Variants in CAPN1 observed in about 807,000 individuals in gnomAD.
The protein encoded by CAPN1 is calpain 1.
Under a neutral mutation model 105.2 loss-of-function variants are expected in CAPN1, and 77 were observed. The ratio of observed to expected loss-of-function variants is 0.73; its 90% confidence interval spans 0.61 to 0.88. CAPN1 has a LOEUF of 0.88. CAPN1 is among the 40% of genes least tolerant of loss of function. The probability of loss-of-function intolerance (pLI) is 0.00; values close to 1 mark genes in which losing one functional copy is unlikely to be tolerated. For missense variants in CAPN1, 833 were observed against 976.6 expected, an observed-to-expected ratio of 0.85 and a Z score of 1.96; for synonymous variants, 355 against 388.8, an observed-to-expected ratio of 0.91 and a Z score of 1.02.
Position 65,188,365 on chromosome 11 carries a change from C to T in CAPN1, c.930-49C>T. On this transcript the variant is annotated intron_variant, in intron 8 of 21. Coordinates refer to ENST00000279247, the MANE Select transcript of CAPN1 (RefSeq NM_005186.4). This position sits in a 1 kb window ranked among gnomAD's most constrained non-coding sequence, Gnocchi z 5.5. Reference sequence around the variant, plus strand: ...GGTAGACAGGCCCCAGGGACAGAGGCCAGGCAGGTCAGTGCCCACCAGCCC... The same window carrying T: ...GGTAGACAGGCCCCAGGGACAGAGGTCAGGCAGGTCAGTGCCCACCAGCCC... 6.5e-7 allele frequency: 1 copy of T among 1,529,418 alleles called. No homozygotes were observed. Among genetic ancestry groups the T allele is most frequent in the East Asian group, 2.4e-5 (1 of 42,380 alleles). The allele number at this position is 1,529,418 out of a possible 1,614,324, so 94.7% of individuals were successfully genotyped here.
Position 65,188,495 on chromosome 11 carries a change from G to GC in CAPN1, c.1004+12dup, listed in dbSNP as rs759714796. ...TGGAGGACGGGGAGTTCTGGTGAGC[G>GC]CCCCCTCCCCTTCTACCCCACCTCT... On this transcript the variant is annotated splice_region_variant and intron_variant, in intron 9 of 21. Transcript: ENST00000279247. This position sits in a 1 kb window ranked among gnomAD's most constrained non-coding sequence, Gnocchi z 5.5. 2 of 1,612,118 alleles carry GC rather than the reference G, an allele frequency of 1.2e-6. No homozygotes were observed. Among genetic ancestry groups the GC allele is most frequent in the Non-Finnish European group, 8.5e-7 (1 of 1,178,910 alleles).
rs942615255 is a variant in CAPN1 at position 65,211,498 on chromosome 11, C to T, written c.*212C>T. 22 of 588,088 alleles carry T rather than the reference C, an allele frequency of 3.7e-5. No homozygotes were observed. Among genetic ancestry groups the T allele is most frequent in the Admixed American group, 1.1e-4 (4 of 37,112 alleles). The allele number at this position is 588,088 out of a possible 1,614,324, so 36.4% of individuals were successfully genotyped here. On this transcript the variant is annotated 3_prime_UTR_variant, in exon 22 of 22. Transcript: ENST00000279247. The stretch of plus-strand genomic sequence containing the variant: ...CCCCTGCCTGTGCCAGCCATGGGCT[C>T]GGGATGGACTCCCTGGGCCCCACCC...
intron 11 of CAPN1, among the ~76,000 whole-genome samples, chr11:65,205,082 G>A (rs1035211422): frequency 2.0e-5 from 3 of 152,238 alleles, no homozygotes; most frequent in African/African-American, 7.2e-5. Context: ...GTTGGCTCAG[G>A]GAAGGGAGAT....
chr11:65,204,432 CT>C (rs754910009), intron 10 of CAPN1, among the ~76,000 whole-genome samples: 2 of 152,064 alleles, frequency 1.3e-5, no homozygotes, highest in African/African-American at 2.4e-5. Flanking sequence ...CTCCTGCTTG[CT>C]TTTTTTTGCA....
chr11:65,188,290 G>A lies in CAPN1; in HGVS notation c.930-124G>A, dbSNP rs1050140119. ...CACCCCCTAGAAGCGGAACCTTGGC[G>A]CTTGACCTTGAGGAGGCCACCTGGG... On this transcript the variant is annotated intron_variant, in intron 8 of 21. Transcript: ENST00000279247. The surrounding 1 kb of genome is among the most constrained non-coding windows in gnomAD (Gnocchi z 5.5). 4 of 850,926 alleles carry A rather than the reference G, an allele frequency of 4.7e-6. No homozygotes were observed. Among genetic ancestry groups the A allele is most frequent in the East Asian group, 5.3e-5 (2 of 37,702 alleles). 52.7% of individuals were successfully genotyped at this position (850,926 alleles called of 1,614,324 possible).
chr11:65,199,533 T>C (rs1022650627), intron 10 of CAPN1, among the ~76,000 whole-genome samples: 7 of 152,176 alleles, frequency 4.6e-5, no homozygotes, highest in African/African-American at 7.2e-5. Context: ...CTTCCCACTC[T>C]CTGTATATTC....
At position 65,206,817 on chromosome 11, in the gene CAPN1, G is replaced by A. The variant is rs1411976858; in HGVS notation, c.1603G>A (p.Glu535Lys). Residue 535 changes from glutamate (E) to lysine (K), a missense_variant and splice_region_variant, in exon 14 of 22, where the codon GAG becomes AAG. Glu to Lys is a moderately conservative substitution (Grantham distance 56, BLOSUM62 1). Coordinates refer to ENST00000279247, the MANE Select transcript of CAPN1 (RefSeq NM_005186.4). The part of the protein sequence containing the change: ...DDQIQANLPD[E>K]QVLSEEEIDE... ...CCAGATCCAGGCCAATCTCCCCGAT[G>A]AGGTGCGTGGTCCCACCCCACCAGG... The A allele has an allele frequency of 6.2e-7, 1 of 1,611,544 alleles. No individual in the cohort carries two copies. The highest frequency in any genetic ancestry group is 1.3e-5 in the African/African-American group (1 of 74,834).
At chr11:65,192,527 T>C (rs1170001526) in intron 10 of CAPN1, among the ~76,000 whole-genome samples, 3 of 152,234 alleles carry the variant, frequency 2.0e-5, no homozygotes, top group Non-Finnish European at 2.9e-5. Flanking sequence ...GTATGAAGAT[T>C]AATGATATTC....
Position 65,209,189 on chromosome 11 carries a change from C to T in CAPN1, c.1730-134C>T, listed in dbSNP as rs1949006202. The T allele has an allele frequency of 4.4e-6, 3 of 684,490 alleles. No individual in the cohort carries two copies. Among genetic ancestry groups the T allele is most frequent in the South Asian group, 3.3e-5 (2 of 60,880 alleles). The allele number at this position is 684,490 out of a possible 1,614,324, so 42.4% of individuals were successfully genotyped here. On this transcript the variant is annotated intron_variant, in intron 16 of 21. Coordinates refer to ENST00000279247, the MANE Select transcript of CAPN1 (RefSeq NM_005186.4). The surrounding 1 kb of genome is among the most constrained non-coding windows in gnomAD (Gnocchi z 4.1). ...TCCTGATGATACAAACAATCCTGCCCACTTCCTCTGCCAGATATTGCACCC... is the reference window on the plus strand; with the variant it reads ...TCCTGATGATACAAACAATCCTGCCTACTTCCTCTGCCAGATATTGCACCC...
At chr11:65,205,520 C>A (rs1302619955) in intron 11 of CAPN1, among the ~76,000 whole-genome samples, 190 bp from the exon 12 acceptor site, 2 of 151,928 alleles carry the variant, frequency 1.3e-5, no homozygotes, top group African/African-American at 2.4e-5. Context: ...ACCAAGAGGA[C>A]CCTGCCTGAG....
At chr11:65,185,055 C>A (rs1948612173) in intron 4 of CAPN1, among the ~76,000 whole-genome samples, 1 of 151,900 alleles carries the variant, frequency 6.6e-6, no homozygotes, top group African/African-American at 2.4e-5. Context: ...ATACATTGTA[C>A]AGGCAAAGGA....
chr11:65,210,467 C>T lies in CAPN1; in HGVS notation c.2059+15C>T, dbSNP rs1351536038. On this transcript the variant is annotated intron_variant, in intron 20 of 21. Coordinates refer to ENST00000279247, the MANE Select transcript of CAPN1 (RefSeq NM_005186.4). This position sits in a 1 kb window ranked among gnomAD's most constrained non-coding sequence, Gnocchi z 4.3. ...GACCATGTTCCGTGAGTGTCCCCAACTGCCTCCCACCCTCCAGCTCCGTCC... is the reference window on the plus strand; with the variant it reads ...GACCATGTTCCGTGAGTGTCCCCAATTGCCTCCCACCCTCCAGCTCCGTCC... 1.4e-6 allele frequency: 2 copies of T among 1,463,262 alleles called. No homozygotes were observed. The highest frequency in any genetic ancestry group is 1.9e-6 in the Non-Finnish European group (2 of 1,047,310). The allele number at this position is 1,463,262 out of a possible 1,614,324, so 90.6% of individuals were successfully genotyped here.
chr11:65,186,276 G>A lies in CAPN1; in HGVS notation c.697G>A (p.Asp233Asn), dbSNP rs1948632245. ...GTACGAGTTGCGCAAGGCTCCCAGT[G>A]ACCTCTACCAGATCATCCTCAAGGC... ...EWYELRKAPSDLYQIILKALE... is the reference protein window; with the variant it reads ...EWYELRKAPSNLYQIILKALE... Residue 233 changes from aspartate to asparagine, a missense_variant, in exon 6 of 22, where the codon GAC becomes AAC. Transcript: ENST00000279247. The A allele has an allele frequency of 1.9e-6, 3 of 1,613,480 alleles. No homozygotes were observed. The highest frequency in any genetic ancestry group is 2.5e-6 in the Non-Finnish European group (3 of 1,179,672).
At chr11:65,202,940 T>C (rs1948892244) in intron 10 of CAPN1, among the ~76,000 whole-genome samples, 1 of 152,166 alleles carries the variant, frequency 6.6e-6, no homozygotes, top group South Asian at 2.1e-4. Flanking sequence ...CTTATCTCTA[T>C]GGATTTGCCT....
chr11:65,205,460 G>A (rs1386845192), intron 11 of CAPN1, among the ~76,000 whole-genome samples: 1 of 152,110 alleles, frequency 6.6e-6, no homozygotes, highest in Admixed American at 6.6e-5. Context: ...CCCGGGGGCT[G>A]GCCTGGAGCC....
chr11:65,210,500 G>C lies in CAPN1; in HGVS notation c.2059+48G>C. 1 of 1,137,078 alleles carries C rather than the reference G, an allele frequency of 8.8e-7. No individual in the cohort carries two copies. Among genetic ancestry groups the C allele is most frequent in the East Asian group, 2.4e-5 (1 of 41,238 alleles). The allele number at this position is 1,137,078 out of a possible 1,614,324, so 70.4% of individuals were successfully genotyped here. On this transcript the variant is annotated intron_variant, in intron 20 of 21. Coordinates refer to ENST00000279247, the MANE Select transcript of CAPN1 (RefSeq NM_005186.4). This position sits in a 1 kb window ranked among gnomAD's most constrained non-coding sequence, Gnocchi z 4.3. The stretch of plus-strand genomic sequence containing the variant: ...CACCCTCCAGCTCCGTCCCAAACGC[G>C]TCCCCCAGGAGCTGGGGGGAATGAC...
chr11:65,186,352 G>A lies in CAPN1; in HGVS notation c.759+14G>A, dbSNP rs375304662. The A allele has an allele frequency of 7.5e-6, 12 of 1,601,330 alleles. No homozygotes were observed. The African/African-American group carries it at 1.3e-4, about 18-fold the overall frequency. ...TGCTCCATAGACGTGAGTGTGCCCG[G>A]CCCCGATGCTTTGGTACCCTGGAAC... is the stretch of plus-strand genomic sequence containing the variant. On this transcript the variant is annotated intron_variant, in intron 6 of 21. Coordinates refer to ENST00000279247, the MANE Select transcript of CAPN1 (RefSeq NM_005186.4).
chr11:65,184,023 G>GA (rs2137311375), intron 4 of CAPN1, among the ~76,000 whole-genome samples: 1 of 152,254 alleles, frequency 6.6e-6, no homozygotes, highest in East Asian at 1.9e-4. Flanking sequence ...CAGCAGAAAA[G>GA]AAAGACTCGG....
intron 14 of CAPN1, among the ~76,000 whole-genome samples, chr11:65,207,334 G>A (rs1948976597): frequency 6.6e-6 from 1 of 151,516 alleles, no homozygotes; most frequent in Non-Finnish European, 1.5e-5. Context: ...TGAGTAGCTG[G>A]GATTACAGGC....
Sources: allele counts gnomAD v4.1 joint callset (sites outside exome capture counted in the v4.1 genomes callset), GRCh38; gene constraint gnomAD v4.1.1; non-coding constraint Gnocchi (gnomAD v3.1); transcripts MANE v1.5; gene names NCBI Gene and HGNC (gene_info 2026-07-23, HGNC 2026-07-21).